NRXN1: variants seen among roughly 807,000 people sequenced by gnomAD.
NRXN1 encodes the protein neurexin-1.
In NRXN1, 39 loss-of-function variants were observed where a neutral mutation model predicts 150.9. That is an observed-to-expected ratio of 0.26 (90% CI 0.20 to 0.34). The LOEUF is 0.34. Ranked by LOEUF, NRXN1 falls within the 10% of genes least tolerant of loss-of-function variation. The pLI is 1.00. For synonymous variants in NRXN1, 924 were observed against 757.0 expected (o/e 1.22, Z -3.62); for missense variants, 1,815 against 1,949.9 (o/e 0.93, Z 1.30).
chr2:50,460,808 G>A (rs2088121364), intron 17 of NRXN1, among the ~76,000 whole-genome samples: 1 of 151,892 alleles, frequency 6.6e-6, no homozygotes, highest in African/African-American at 2.4e-5. Flanking sequence ...GATTGCTTAT[G>A]AATTGCTTTA....
intron 17 of NRXN1, among the ~76,000 whole-genome samples, chr2:50,319,201 G>A (rs2075837003): frequency 6.6e-6 from 1 of 152,110 alleles, no homozygotes. Flanking sequence ...AGTTGAAAAT[G>A]TTTGTTTGTT....
intron 5 of NRXN1, among the ~76,000 whole-genome samples, chr2:50,690,013 A>C (rs1280019381): frequency 6.6e-6 from 1 of 151,754 alleles, no homozygotes; most frequent in Non-Finnish European, 1.5e-5. Flanking sequence ...CAGCCCTGGG[A>C]GTAGGTGGGA....
intron 15 of NRXN1, among the ~76,000 whole-genome samples, chr2:50,489,878 CCAGATAA>C (rs1279403354): frequency 2.1e-5 from 3 of 141,894 alleles, no homozygotes; most frequent in African/African-American, 9.4e-5. Flanking sequence ...ATAGCAGGTC[CCAGATAA>C]CTGCATGGGA....
chr2:50,285,580 AT>A (rs970295352), intron 17 of NRXN1, among the ~76,000 whole-genome samples: 2 of 152,148 alleles, frequency 1.3e-5, no homozygotes, highest in African/African-American at 4.8e-5. Context: ...ACCAAGAATC[AT>A]TTTTTTTCCC....
intron 17 of NRXN1, among the ~76,000 whole-genome samples, chr2:50,334,209 A>ATATATATATGTATGTATG (rs760530144): frequency 8.2e-6 from 1 of 121,440 alleles, no homozygotes; most frequent in East Asian, 2.4e-4. Context: ...ATATATATAT[A>ATATATATATGTATGTATG]TATGTATGTA....
chr2:50,923,161 G>GA lies in NRXN1; in HGVS notation c.791-475dup, dbSNP rs925104116. On this transcript the variant is annotated intron_variant, in intron 3 of 22. Transcript: ENST00000401669. ...AATGAGCATTTTATAATTAAATGAA[G>GA]AAAAAAAAATTGTAGTCACATTGAA... Among the ~76,000 whole-genome samples the GA allele has an allele frequency of 2.1e-4, 32 of 151,080 alleles. No homozygotes were observed. In the South Asian group the frequency reaches 6.0e-3, roughly 29 times the overall value.
At chr2:50,720,113 C>T (rs1029793899) in intron 5 of NRXN1, among the ~76,000 whole-genome samples, 5 of 152,176 alleles carry the variant, frequency 3.3e-5, no homozygotes, top group African/African-American at 1.2e-4. Context: ...TGCTGTAGAT[C>T]TGTCCAGCAA....
chr2:50,766,960 T>C lies in NRXN1; in HGVS notation c.833-143345A>G, dbSNP rs550751516. Among the ~76,000 whole-genome samples, 4 of 152,218 alleles carry C rather than the reference T, an allele frequency of 2.6e-5. No individual in the cohort carries two copies. The South Asian group carries it at 8.3e-4, about 31-fold the overall frequency. On this transcript the variant is annotated intron_variant, in intron 5 of 22. Coordinates refer to ENST00000401669, the MANE Select transcript of NRXN1 (RefSeq NM_001330078.2). Reference sequence around the variant, plus strand: ...ATTTCAAATATGGGAAAATAATTTTTAAACATTTAAATAAAACTAGAATTA... The same window carrying C: ...ATTTCAAATATGGGAAAATAATTTTCAAACATTTAAATAAAACTAGAATTA...
intron 5 of NRXN1, among the ~76,000 whole-genome samples, chr2:50,846,797 G>A (rs1178921300): frequency 1.3e-5 from 2 of 152,070 alleles, no homozygotes; most frequent in Non-Finnish European, 2.9e-5. Context: ...TCATGGCCAA[G>A]CCCCTATAAC....
At chr2:50,324,055 G>A (rs970205155) in intron 17 of NRXN1, among the ~76,000 whole-genome samples, 4 of 152,216 alleles carry the variant, frequency 2.6e-5, no homozygotes, top group African/African-American at 9.6e-5. Flanking sequence ...GGCTTTGAAT[G>A]TAAGACTAAG....
chr2:50,503,299 C>G (rs1412388066), intron 13 of NRXN1, among the ~76,000 whole-genome samples: 1 of 147,724 alleles, frequency 6.8e-6, no homozygotes, highest in African/African-American at 2.5e-5. Flanking sequence ...CAGAATGAGA[C>G]TCCATCTCAA....
chr2:49,975,952 T>C (rs1244064944), intron 21 of NRXN1, among the ~76,000 whole-genome samples: 1 of 152,018 alleles, frequency 6.6e-6, no homozygotes, highest in East Asian at 1.9e-4. Flanking sequence ...AAATTGTGTA[T>C]AGGCTATACT....
intron 22 of NRXN1, among the ~76,000 whole-genome samples, chr2:49,936,890 T>C (rs989468621): frequency 6.6e-6 from 1 of 152,104 alleles, no homozygotes; most frequent in African/African-American, 2.4e-5. Flanking sequence ...GAACTCCTAG[T>C]AGAAACTAAT....
Position 50,623,603 on chromosome 2 carries a change from T to C in NRXN1, c.845A>G (p.Tyr282Cys), listed in dbSNP as rs1680444101. ...TTCAGATCCTTTGAACGTGGCAATATATTCTTCTTTTCCTAGAGGAAAACA... is the reference window on the plus strand; with the variant it reads ...TTCAGATCCTTTGAACGTGGCAATACATTCTTCTTTTCCTAGAGGAAAACA... The part of the protein sequence containing the change: ...DQGKSKGKEE[Y>C]IATFKGSEYF... Residue 282 changes from tyrosine (Y) to cysteine (C), a missense_variant, in exon 6 of 23, where the codon TAT becomes TGT. Tyr to Cys is a radical substitution (Grantham distance 194). Transcript: ENST00000401669. The C allele has an allele frequency of 1.2e-6, 2 of 1,609,138 alleles. No individual in the cohort carries two copies. Among genetic ancestry groups the C allele is most frequent in the Admixed American group, 1.7e-5 (1 of 59,770 alleles).
At chr2:50,285,210 ATTG>A (rs2071974558) in intron 17 of NRXN1, among the ~76,000 whole-genome samples, 1 of 152,186 alleles carries the variant, frequency 6.6e-6, no homozygotes, top group African/African-American at 2.4e-5. Context: ...TGCATTCCTT[ATTG>A]TTGTGCATTT....
At chr2:50,380,856 A>G (rs962533733) in intron 17 of NRXN1, among the ~76,000 whole-genome samples, 3 of 152,280 alleles carry the variant, frequency 2.0e-5, no homozygotes, top group Admixed American at 6.5e-5. Flanking sequence ...CCATATTATC[A>G]TCACCAATAA....
At chr2:50,109,314 T>A (rs758178434) in intron 18 of NRXN1, among the ~76,000 whole-genome samples, 1 of 152,182 alleles carries the variant, frequency 6.6e-6, no homozygotes, top group Non-Finnish European at 1.5e-5. Flanking sequence ...TTTTTCTAGA[T>A]CATCCTTTCT....
intron 17 of NRXN1, among the ~76,000 whole-genome samples, chr2:50,270,438 G>T (rs906508399): frequency 7.2e-5 from 11 of 151,942 alleles, no homozygotes; most frequent in African/African-American, 2.2e-4. Flanking sequence ...TTTGTATTTG[G>T]AGTCCTCTAA....
At chr2:50,457,289 A>G (rs567592085) in intron 17 of NRXN1, among the ~76,000 whole-genome samples, 1 of 152,138 alleles carries the variant, frequency 6.6e-6, no homozygotes, top group Non-Finnish European at 1.5e-5. Flanking sequence ...GAAAAACATT[A>G]CACAGTGTTA....
Sources: allele counts gnomAD v4.1 joint callset (sites outside exome capture counted in the v4.1 genomes callset), GRCh38; gene constraint gnomAD v4.1.1; transcripts MANE v1.5; gene names NCBI Gene and HGNC (gene_info 2026-07-23, HGNC 2026-07-21).